The following CDH13 variants were observed in gnomAD, a reference collection of about 807,000 sequenced individuals.
CDH13 encodes cadherin-13.
Under a neutral mutation model 63.8 loss-of-function variants are expected in CDH13, and 24 were observed. The observed-to-expected ratio is 0.38, with a 90% CI of 0.27 to 0.53. The LOEUF (loss-of-function observed/expected upper bound fraction) is 0.53, where lower values mean the gene tolerates loss of function less well. CDH13 is among the 20% of genes least tolerant of loss of function. The probability of loss-of-function intolerance (pLI) is 0.85; values close to 1 mark genes in which losing one functional copy is unlikely to be tolerated. For synonymous variants in CDH13, 503 were observed against 355.3 expected (o/e 1.42, Z -4.67); for missense variants, 1,049 against 903.1 (o/e 1.16, Z -2.07).
At chr16:82,813,998 C>T (rs900507193) in intron 1 of CDH13, among the ~76,000 whole-genome samples, 2 of 152,110 alleles carry the variant, frequency 1.3e-5, no homozygotes, top group South Asian at 2.1e-4. Flanking sequence ...AGTTCCTATT[C>T]AAATACCGGC....
intron 8 of CDH13, among the ~76,000 whole-genome samples, chr16:83,660,683 G>A (rs946814440): frequency 2.0e-5 from 3 of 152,200 alleles, no homozygotes; most frequent in Admixed American, 6.5e-5. Flanking sequence ...AAACTCCAGT[G>A]TCTTTAGAAA....
intron 1 of CDH13, among the ~76,000 whole-genome samples, chr16:82,774,433 A>G (rs558951673): frequency 9.2e-5 from 14 of 152,124 alleles, no homozygotes; most frequent in East Asian, 3.9e-4. Flanking sequence ...GTCTGTATGT[A>G]TGAAGCCCAT....
intron 2 of CDH13, among the ~76,000 whole-genome samples, chr16:83,020,530 C>T (rs1915250858): frequency 1.3e-5 from 2 of 152,190 alleles, no homozygotes; most frequent in South Asian, 2.1e-4. Context: ...AATGGGGCCA[C>T]CCTGCTGCTC....
chr16:82,655,342 G>T (rs994174894), intron 1 of CDH13, among the ~76,000 whole-genome samples: 1 of 152,234 alleles, frequency 6.6e-6, no homozygotes, highest in Non-Finnish European at 1.5e-5. Flanking sequence ...GGGGTTGGGG[G>T]TGAGGGGAGG....
intron 5 of CDH13, among the ~76,000 whole-genome samples, chr16:83,340,413 A>G (rs925848887): frequency 1.3e-5 from 2 of 152,082 alleles, no homozygotes; most frequent in Non-Finnish European, 2.9e-5. Flanking sequence ...AATGAGTCCA[A>G]CAGCCACACA....
Position 82,804,226 on chromosome 16 carries a change from C to CA in CDH13, c.46-54125dup, listed in dbSNP as rs35791845. The stretch of plus-strand genomic sequence containing the variant: ...CTGGTGACAGAGTGAGACTTCATCT[C>CA]AAAAAAAAAAATGTGTTTAGAGTTT... On this transcript the variant is annotated intron_variant, in intron 1 of 13. Transcript: ENST00000567109. Among the ~76,000 whole-genome samples the CA allele has an allele frequency of 2.8e-3, 342 of 120,224 alleles. 4 individuals are homozygous for CA. The highest frequency in any genetic ancestry group is 0.017 in the South Asian group (68 of 3,914). 78.9% of individuals were successfully genotyped at this position (120,224 alleles called of 152,430 possible).
rs147770154 is a variant in CDH13, at chr16:83,540,713, C to T, written c.960+54058C>T. On this transcript the variant is annotated intron_variant, in intron 7 of 13. Coordinates refer to ENST00000567109, the MANE Select transcript of CDH13 (RefSeq NM_001257.5). ...TGGTCTCAAGTAGTAACAGTAGTAA[C>T]TGTTGTAGTGACTGGTCTCAAGTAG... 2.1e-3 allele frequency among the ~76,000 whole-genome samples: 327 copies of T among 152,322 alleles called. 1 individual carries two copies. The highest frequency in any genetic ancestry group is 7.1e-3 in the African/African-American group (295 of 41,570).
intron 10 of CDH13, among the ~76,000 whole-genome samples, chr16:83,704,911 C>G (rs1011542035): frequency 6.6e-6 from 1 of 152,222 alleles, no homozygotes; most frequent in South Asian, 2.1e-4. Flanking sequence ...GAGGCCAGTG[C>G]TCCCTGGAGT....
chr16:82,661,179 T>G (rs542381424), intron 1 of CDH13, among the ~76,000 whole-genome samples: 39 of 152,316 alleles, frequency 2.6e-4, no homozygotes, highest in Non-Finnish European at 4.7e-4. Context: ...GCTCATTGTT[T>G]ACGCTGACCT....
intron 8 of CDH13, among the ~76,000 whole-genome samples, chr16:83,612,689 C>G (rs753617928): frequency 2.0e-5 from 3 of 151,680 alleles, no homozygotes; most frequent in Admixed American, 2.0e-4. Context: ...TTTTCATATT[C>G]TTGTAGTGGG....
At chr16:83,278,040 T>C (rs2089047024) in intron 5 of CDH13, among the ~76,000 whole-genome samples, 1 of 152,222 alleles carries the variant, frequency 6.6e-6, no homozygotes, top group South Asian at 2.1e-4. Flanking sequence ...TCATAGTTCC[T>C]ATTCTCCAAG....
chr16:83,703,811 T>G (rs1906603960), intron 10 of CDH13, among the ~76,000 whole-genome samples: 1 of 152,176 alleles, frequency 6.6e-6, no homozygotes. Flanking sequence ...CTCTCAGGAC[T>G]CAAATGCTTG....
chr16:83,401,701 C>T (rs1375837377), intron 6 of CDH13, among the ~76,000 whole-genome samples: 1 of 152,006 alleles, frequency 6.6e-6, no homozygotes, highest in Admixed American at 6.6e-5. Context: ...GAGGATCTTA[C>T]CCAAGGATGC....
At chr16:83,243,898 G>C (rs768018979) in intron 5 of CDH13, among the ~76,000 whole-genome samples, 3 of 152,158 alleles carry the variant, frequency 2.0e-5, no homozygotes, top group Non-Finnish European at 2.9e-5. Context: ...TCTTTTAAAA[G>C]AGTAACATCA....
At chr16:83,125,980 C>G (rs1051290390) in intron 4 of CDH13, among the ~76,000 whole-genome samples, 2 of 152,174 alleles carry the variant, frequency 1.3e-5, no homozygotes, top group African/African-American at 4.8e-5. Context: ...ATGGAAAACA[C>G]TGTCCCATGA....
chr16:83,602,641 A>T, intron 8 of CDH13, 47 bp downstream of exon 8: 2 of 1,598,202 alleles, frequency 1.3e-6, no homozygotes. Flanking sequence ...TCACAGCTAC[A>T]ATTACTGATT....
chr16:82,804,322 T>A (rs916236786), intron 1 of CDH13, among the ~76,000 whole-genome samples: 1 of 132,972 alleles, frequency 7.5e-6, no homozygotes, highest in African/African-American at 3.2e-5. Flanking sequence ...CGCACACACA[T>A]ACAAATACAA....
chr16:82,784,125 G>A lies in CDH13; in HGVS notation c.46-74237G>A, dbSNP rs530895037. ...TAAAAGAAATCCACCCCCAAATTTC[G>A]GTGGTTTAACAGAACAGATGTTCTT... On this transcript the variant is annotated intron_variant, in intron 1 of 13. Transcript: ENST00000567109. Among the ~76,000 whole-genome samples the A allele has an allele frequency of 3.9e-5, 6 of 152,186 alleles. No homozygotes were observed. In the South Asian group the frequency reaches 6.2e-4, roughly 16 times the overall value.
At chr16:83,457,330 G>A (rs1367031400) in intron 6 of CDH13, among the ~76,000 whole-genome samples, 1 of 152,128 alleles carries the variant, frequency 6.6e-6, no homozygotes, top group Non-Finnish European at 1.5e-5. Context: ...GTCTGTGTTA[G>A]TATTGATCAC....
Sources: gnomAD v4.1 joint callset for allele counts (sites outside exome capture counted in the v4.1 genomes callset) on GRCh38, gnomAD v4.1.1 for gene constraint, MANE v1.5 for transcripts, NCBI Gene and HGNC (gene_info 2026-07-23, HGNC 2026-07-21) for gene names.